The following LCLAT1 variants were observed in gnomAD, a reference collection of about 807,000 sequenced individuals.
LCLAT1 encodes 1-AGP acyltransferase 8.
A neutral mutation model predicts 30.7 loss-of-function variants in LCLAT1; 11 were observed. That is an observed-to-expected ratio of 0.36 (90% CI 0.23 to 0.59). The LOEUF (loss-of-function observed/expected upper bound fraction) is 0.59, where lower values mean the gene tolerates loss of function less well. Among genes scored for constraint, LCLAT1 ranks in the 20% least tolerant of loss-of-function variants. The pLI is 0.77. For synonymous variants in LCLAT1, 155 were observed against 151.3 expected (o/e 1.02, Z -0.18); for missense variants, 402 against 458.6 (o/e 0.88, Z 1.13).
intron 5 of LCLAT1, among the ~76,000 whole-genome samples, chr2:30,636,929 A>G (rs1669060445): frequency 6.6e-6 from 1 of 152,190 alleles, no homozygotes; most frequent in East Asian, 1.9e-4. Context: ...GGGAAAGGAG[A>G]TCGGTCAAGG....
chr2:30,518,322 G>C (rs552011536), intron 1 of LCLAT1, among the ~76,000 whole-genome samples: 1 of 152,114 alleles, frequency 6.6e-6, no homozygotes, highest in Non-Finnish European at 1.5e-5. Context: ...TTCCTCCCGG[G>C]TGATTGAGGG....
chr2:30,457,347 A>T (rs1309288053), intron 1 of LCLAT1, among the ~76,000 whole-genome samples: 1 of 152,212 alleles, frequency 6.6e-6, no homozygotes. Flanking sequence ...CTGAAACCTA[A>T]CAAAAGGATT....
intron 3 of LCLAT1, among the ~76,000 whole-genome samples, chr2:30,534,197 A>G (rs1686118201): frequency 6.7e-6 from 1 of 148,766 alleles, no homozygotes. Flanking sequence ...ATAGACTAGC[A>G]AGGGTGTTTG....
At chr2:30,476,951 GTTAATAA>G (rs1305848620) in intron 1 of LCLAT1, among the ~76,000 whole-genome samples, 1 of 152,212 alleles carries the variant, frequency 6.6e-6, no homozygotes, top group East Asian at 1.9e-4. Context: ...AGAAGTGATA[GTTAATAA>G]TTTGTACATA....
chr2:30,583,291 T>G (rs1342371790), intron 5 of LCLAT1, among the ~76,000 whole-genome samples: 1 of 152,192 alleles, frequency 6.6e-6, no homozygotes, highest in African/African-American at 2.4e-5. Context: ...TAGAGATAGG[T>G]AGCAATTACA....
At chr2:30,541,490 A>T (rs1194117757) in intron 3 of LCLAT1, among the ~76,000 whole-genome samples, 1 of 152,210 alleles carries the variant, frequency 6.6e-6, no homozygotes, top group Non-Finnish European at 1.5e-5. Context: ...CTCTTTTCTG[A>T]ATAATCTTTT....
chr2:30,616,928 C>T (rs566829787), intron 5 of LCLAT1, among the ~76,000 whole-genome samples: 3 of 152,120 alleles, frequency 2.0e-5, no homozygotes, highest in East Asian at 1.9e-4. Context: ...CAAGAATCCA[C>T]GCAGCCTTTT....
At chr2:30,591,492 GA>G (rs1370375095) in intron 5 of LCLAT1, among the ~76,000 whole-genome samples, 10 of 152,194 alleles carry the variant, frequency 6.6e-5, no homozygotes, top group Non-Finnish European at 1.5e-4. Flanking sequence ...AGTGCTTTTA[GA>G]ATTTATTTTT....
chr2:30,604,190 T>C (rs1316234179), intron 5 of LCLAT1, among the ~76,000 whole-genome samples: 2 of 152,166 alleles, frequency 1.3e-5, no homozygotes, highest in African/African-American at 4.8e-5. Flanking sequence ...AGTGTGACCC[T>C]TCAGCCCCCT....
At chr2:30,558,486 A>G (rs756521223) in intron 3 of LCLAT1, among the ~76,000 whole-genome samples, 4 of 151,678 alleles carry the variant, frequency 2.6e-5, no homozygotes, top group African/African-American at 9.7e-5. Flanking sequence ...TGTAGTCCCA[A>G]CTACTCGAGG....
At chr2:30,466,206 C>T (rs1019475889) in intron 1 of LCLAT1, among the ~76,000 whole-genome samples, 8 of 146,026 alleles carry the variant, frequency 5.5e-5, no homozygotes, top group Non-Finnish European at 1.1e-4. Flanking sequence ...TTTAAAGTTC[C>T]GCTGTTTTTT....
chr2:30,474,749 A>G (rs1682963526), intron 1 of LCLAT1, among the ~76,000 whole-genome samples: 1 of 151,500 alleles, frequency 6.6e-6, no homozygotes, highest in African/African-American at 2.4e-5. Flanking sequence ...CCTGGGCTCA[A>G]GTGATCCTCC....
At chr2:30,610,321 C>T (rs1047910987) in intron 5 of LCLAT1, among the ~76,000 whole-genome samples, 2 of 152,078 alleles carry the variant, frequency 1.3e-5, no homozygotes, top group African/African-American at 2.4e-5. Flanking sequence ...CTCATGGTCT[C>T]TGTCTAATCC....
At chr2:30,637,416 G>T (rs980651362) in intron 5 of LCLAT1, among the ~76,000 whole-genome samples, 5 of 152,004 alleles carry the variant, frequency 3.3e-5, no homozygotes, top group Non-Finnish European at 7.4e-5. Context: ...ATGGAATAGG[G>T]TCTTTTTTAG....
chr2:30,453,746 C>T (rs2148258319), intron 1 of LCLAT1, among the ~76,000 whole-genome samples: 1 of 146,310 alleles, frequency 6.8e-6, no homozygotes, highest in Non-Finnish European at 1.6e-5. Context: ...GAAAAGTAAA[C>T]ATGACGGCTA....
At chr2:30,461,919 C>T (rs559738178) in intron 1 of LCLAT1, among the ~76,000 whole-genome samples, 4 of 151,280 alleles carry the variant, frequency 2.6e-5, no homozygotes, top group South Asian at 2.1e-4. Flanking sequence ...TACAGGCGCC[C>T]GCCACCACGC....
chr2:30,643,751 G>A lies in LCLAT1; in HGVS notation c.*3132G>A, dbSNP rs952776245. On this transcript the variant is annotated 3_prime_UTR_variant, in exon 6 of 6. Coordinates refer to ENST00000379509, the MANE Select transcript of LCLAT1 (RefSeq NM_001002257.3). The stretch of plus-strand genomic sequence containing the variant: ...TTACATTTCTTTATACAAATAATGT[G>A]CTTTCAGTGCCTTAGTTACAGCTCC... 2.0e-5 allele frequency: 3 copies of A among 152,606 alleles called. No homozygotes were observed. The highest frequency in any genetic ancestry group is 7.2e-5 in the African/African-American group (3 of 41,428). The allele number at this position is 152,606 out of a possible 1,614,324, so 9.5% of individuals were successfully genotyped here.
intron 2 of LCLAT1, among the ~76,000 whole-genome samples, chr2:30,529,755 AT>A (rs553857888): frequency 1.8e-4 from 28 of 152,134 alleles, no homozygotes; most frequent in Non-Finnish European, 3.1e-4. Flanking sequence ...GCTGAATGTG[AT>A]TTTTGTCTAC....
intron 1 of LCLAT1, among the ~76,000 whole-genome samples, chr2:30,465,728 T>C (rs1444495627): frequency 6.6e-6 from 1 of 152,198 alleles, no homozygotes; most frequent in African/African-American, 2.4e-5. Flanking sequence ...TAAGGAAATA[T>C]TTTGACTTTT....
Sources: allele counts gnomAD v4.1 joint callset (sites outside exome capture counted in the v4.1 genomes callset), GRCh38; gene constraint gnomAD v4.1.1; transcripts MANE v1.5; gene names NCBI Gene and HGNC (gene_info 2026-07-23, HGNC 2026-07-21).